Variants in LOXHD1 observed in about 807,000 individuals in gnomAD.
LOXHD1 encodes the protein lipoxygenase homology domain-containing protein 1.
LOXHD1 carries 205 observed loss-of-function variants against 248.2 expected under a neutral mutation model. The ratio of observed to expected loss-of-function variants is 0.83; its 90% CI spans 0.74 to 0.93. The LOEUF (loss-of-function observed/expected upper bound fraction) is 0.93, where lower values mean the gene tolerates loss of function less well. LOXHD1 is among the 40% of genes least tolerant of loss of function. The pLI is 0.00. For synonymous variants in LOXHD1, 1,113 were observed against 1,162.8 expected (o/e 0.96, Z 0.87); for missense variants, 2,930 against 2,971.6 (o/e 0.99, Z 0.33).
intron 18 of LOXHD1, among the ~76,000 whole-genome samples, chr18:46,562,351 G>C (rs953519492): frequency 1.3e-5 from 2 of 152,226 alleles, no homozygotes; most frequent in African/African-American, 4.8e-5. Flanking sequence ...TGAACATGCT[G>C]CCTGCACACA....
At chr18:46,587,027 A>G (rs2038074316) in intron 12 of LOXHD1, among the ~76,000 whole-genome samples, 1 of 152,228 alleles carries the variant, frequency 6.6e-6, no homozygotes, top group African/African-American at 2.4e-5. Context: ...TGCCTTGAGC[A>G]AAGCTGGTAT....
chr18:46,571,140 G>A (rs2037744130), intron 15 of LOXHD1, among the ~76,000 whole-genome samples: 1 of 152,154 alleles, frequency 6.6e-6, no homozygotes, highest in Admixed American at 6.5e-5. Context: ...CTAGTTCAAA[G>A]TCAGCAGTCT....
chr18:46,651,323 A>G (rs1278261693), intron 1 of LOXHD1, among the ~76,000 whole-genome samples: 2 of 152,134 alleles, frequency 1.3e-5, no homozygotes, highest in African/African-American at 4.8e-5. Context: ...TTTTGTGATA[A>G]CCAAAGCCTT....
At chr18:46,634,268 C>T (rs1258205624) in intron 4 of LOXHD1, among the ~76,000 whole-genome samples, 5 of 152,180 alleles carry the variant, frequency 3.3e-5, no homozygotes, top group East Asian at 3.8e-4. Flanking sequence ...AATTCTGACA[C>T]GTGCCATAGC....
chr18:46,516,356 G>A lies in LOXHD1; in HGVS notation c.5399+1773C>T, dbSNP rs1164210622. Among the ~76,000 whole-genome samples, 5 of 152,084 alleles carry A rather than the reference G, an allele frequency of 3.3e-5. 1 individual carries two copies. Among genetic ancestry groups the A allele is most frequent in the South Asian group, 4.2e-4 (2 of 4,814 alleles). On this transcript the variant is annotated intron_variant, in intron 34 of 40. Coordinates refer to ENST00000642948, the MANE Select transcript of LOXHD1 (RefSeq NM_001384474.1). Reference sequence around the variant, plus strand: ...GCATGTTAGCCATTATTATTATCACGACTGCTGTTGATATGGGAAGAATTC... The same window carrying A: ...GCATGTTAGCCATTATTATTATCACAACTGCTGTTGATATGGGAAGAATTC...
At chr18:46,494,067 G>A (rs1453172329) in intron 37 of LOXHD1, among the ~76,000 whole-genome samples, 1 of 152,084 alleles carries the variant, frequency 6.6e-6, no homozygotes, top group Non-Finnish European at 1.5e-5. Context: ...CACTTCCTCT[G>A]CAATGCCCTC....
At chr18:46,478,868 A>AT (rs2032283997) in intron 40 of LOXHD1, among the ~76,000 whole-genome samples, 1 of 152,092 alleles carries the variant, frequency 6.6e-6, no homozygotes, top group South Asian at 2.1e-4. Context: ...AATTTAAAAA[A>AT]ATATATTTTT....
intron 1 of LOXHD1, among the ~76,000 whole-genome samples, chr18:46,656,415 G>A (rs910769550): frequency 2.6e-5 from 4 of 152,162 alleles, no homozygotes; most frequent in Non-Finnish European, 5.9e-5. Flanking sequence ...CAGAGCACCG[G>A]CCGCCTTCGA....
At chr18:46,555,109 G>A (rs1161697277) in intron 21 of LOXHD1, 2 of 470,908 alleles carry the variant, frequency 4.2e-6, no homozygotes, top group East Asian at 6.9e-5. Context: ...CAAATCAGTG[G>A]CAGAGAATTA....
intron 14 of LOXHD1, among the ~76,000 whole-genome samples, chr18:46,574,388 T>TACATACACACACACACACACACACAC (rs2037813021): frequency 8.0e-6 from 1 of 125,242 alleles, no homozygotes; most frequent in African/African-American, 3.4e-5. Context: ...TGTGTACACA[T>TACATACACACACACACACACACACAC]ACACACACAC....
intron 40 of LOXHD1, among the ~76,000 whole-genome samples, chr18:46,479,582 C>T (rs1164537868): frequency 1.3e-5 from 2 of 151,940 alleles, no homozygotes; most frequent in African/African-American, 2.4e-5. Context: ...TTCCCATTGG[C>T]GAAGCTGGAG....
chr18:46,592,661 G>A, intron 10 of LOXHD1, 77 bp from the exon 11 acceptor site: 1 of 1,225,106 alleles, frequency 8.2e-7, no homozygotes, highest in Non-Finnish European at 1.2e-6. Context: ...CCCACTCTCA[G>A]GAGGGTACCT....
chr18:46,593,902 TA>T (rs1419755519), intron 9 of LOXHD1, 142 bp from the exon 10 acceptor site: 5 of 807,536 alleles, frequency 6.2e-6, no homozygotes, highest in Non-Finnish European at 7.7e-6. Flanking sequence ...AGAAACCCAT[TA>T]TAGCCAAATT....
At chr18:46,565,876 C>A (rs1020568558) in intron 17 of LOXHD1, among the ~76,000 whole-genome samples, 1 of 151,192 alleles carries the variant, frequency 6.6e-6, no homozygotes, top group Non-Finnish European at 1.5e-5. Context: ...GGAGGGCTGA[C>A]TGTGTATTTT....
Position 46,604,136 on chromosome 18 carries a change from C to G in LOXHD1, c.853G>C (p.Asp285His), listed in dbSNP as rs1462011991. 1 of 1,551,728 alleles carries G rather than the reference C, an allele frequency of 6.4e-7. No homozygotes were observed. The highest frequency in any genetic ancestry group is 2.4e-5 in the East Asian group (1 of 40,922). ...GTCTCAGCTCCGCCCACTAAGATAT[C>G]CCTTTGGATTTTGCCATCGTCTTCG... ...LDEDDGKIQR[D>H]ILVGGAETTA... The change falls in exon 7 of 41, where the codon GAT becomes CAT. Residue 285 changes from aspartate to histidine, a missense_variant. Asp to His is a moderately conservative substitution (Grantham distance 81). Coordinates refer to ENST00000642948, the MANE Select transcript of LOXHD1 (RefSeq NM_001384474.1).
chr18:46,570,749 A>T (rs915268459), intron 15 of LOXHD1, among the ~76,000 whole-genome samples: 3 of 151,980 alleles, frequency 2.0e-5, no homozygotes, highest in African/African-American at 7.3e-5. Context: ...CTGATGAGTT[A>T]AAAAAATTGC....
intron 16 of LOXHD1, among the ~76,000 whole-genome samples, chr18:46,569,134 G>A (rs2037700784): frequency 6.6e-6 from 1 of 152,076 alleles, no homozygotes; most frequent in Non-Finnish European, 1.5e-5. Context: ...AGGTACATTG[G>A]TCTTGGATAT....
In LOXHD1 at chr18:46,627,862, G is replaced by A. The variant is rs147584791; in HGVS notation, c.512-9572C>T. ...CCTCTATGCTCCCATTGGCCTGGGC[G>A]CCATACCCCACTTAGAATATTCTAT... On this transcript the variant is annotated intron_variant, in intron 4 of 40. Coordinates refer to ENST00000642948, the MANE Select transcript of LOXHD1 (RefSeq NM_001384474.1). Among the ~76,000 whole-genome samples, 208 of 152,240 alleles carry A rather than the reference G, an allele frequency of 1.4e-3. 1 individual carries two copies. The highest frequency in any genetic ancestry group is 3.7e-3 in the African/African-American group (154 of 41,524).
At chr18:46,523,727 CA>C (rs1375099381) in intron 31 of LOXHD1, among the ~76,000 whole-genome samples, 3 of 151,830 alleles carry the variant, frequency 2.0e-5, no homozygotes, top group Non-Finnish European at 4.4e-5. Context: ...TTTATCTTTA[CA>C]GGGGGAGCCT....
Sources: gnomAD v4.1 joint callset for allele counts (sites outside exome capture counted in the v4.1 genomes callset) on GRCh38, gnomAD v4.1.1 for gene constraint, MANE v1.5 for transcripts, NCBI Gene and HGNC (gene_info 2026-07-23, HGNC 2026-07-21) for gene names.